CCDC57: variants seen among roughly 807,000 people sequenced by gnomAD.
The protein encoded by CCDC57 is coiled-coil domain-containing protein 57.
CCDC57 carries 118 observed loss-of-function variants against 118.9 expected under a neutral mutation model. The ratio of observed to expected loss-of-function variants is 0.99; its 90% confidence interval spans 0.86 to 1.16. CCDC57 has a LOEUF of 1.16. Ranked by LOEUF, CCDC57 falls within the 50% of genes most tolerant of loss-of-function variation. The pLI is 0.00. For synonymous variants in CCDC57, 527 were observed against 532.9 expected, an observed-to-expected ratio of 0.99 and a Z score of 0.15; for missense variants, 1,300 against 1,320.7, an observed-to-expected ratio of 0.98 and a Z score of 0.24.
intron 17 of CCDC57, among the ~76,000 whole-genome samples, chr17:82,133,585 G>A (rs932591699): frequency 1.3e-5 from 2 of 151,984 alleles, no homozygotes; most frequent in African/African-American, 2.4e-5. Context: ...TGGGGGCTGG[G>A]CGCGGTGGTT....
chr17:82,119,754 G>C (rs2036419326), intron 19 of CCDC57, among the ~76,000 whole-genome samples: 1 of 152,030 alleles, frequency 6.6e-6, no homozygotes. Context: ...GGGAAGAAGG[G>C]AGGGAGATGA....
At chr17:82,101,516 C>A, downstream of CCDC57, 1 of 605,310 alleles carries the variant, frequency 1.7e-6, no homozygotes, top group Non-Finnish European at 2.8e-6. Flanking sequence ...TCAGGGAGGC[C>A]TTCAGTCAGC....
rs375114586 is a variant in CCDC57 at position 82,188,232 on chromosome 17, C to T, written c.1039G>A (p.Ala347Thr). The T allele has an allele frequency of 2.1e-4, 323 of 1,552,474 alleles. 1 individual carries two copies. The East Asian group carries it at 4.2e-3, about 20-fold the overall frequency. The stretch of plus-strand genomic sequence containing the variant: ...GCACACGCTCACTGGTCAATGGCAG[C>T]GTCCTTCTCCTTGGCGGTGTCAGCC... The change falls in exon 8 of 20, where the codon GCT becomes ACT. Residue 347 changes from alanine to threonine, a missense_variant. By Grantham distance (58) the Ala-to-Thr change is moderately conservative. Transcript: ENST00000665763.
exon 4 of CCDC57, chr17:82,198,352 G>A (rs761077934): frequency 1.2e-6 from 2 of 1,613,606 alleles, no homozygotes; most frequent in Non-Finnish European, 1.7e-6. Flanking sequence ...AGCTCCTCAA[G>A]TTTTCTCTCC....
At chr17:82,116,102 C>CTTTT (rs34960755) in intron 19 of CCDC57, among the ~76,000 whole-genome samples, 4,680 of 127,678 alleles carry the variant, frequency 0.037, 113 homozygotes, top group South Asian at 0.069. Flanking sequence ...CGGCCACAAC[C>CTTTT]TTTTTTTTTT....
chr17:82,101,889 C>G, intron 19 of CCDC57, 23 bp from the exon 19 acceptor site: 1 of 1,540,740 alleles, frequency 6.5e-7, no homozygotes, highest in South Asian at 1.2e-5. Context: ...GAGGAAAAAA[C>G]AGCATGCATC....
chr17:82,179,649 C>T (rs2045957185), intron 9 of CCDC57, among the ~76,000 whole-genome samples: 1 of 152,020 alleles, frequency 6.6e-6, no homozygotes, highest in Non-Finnish European at 1.5e-5. Context: ...GGGAGAGCCC[C>T]CCGAGCGAGT....
At chr17:82,179,268 GGCAGGGCT>G in intron 9 of CCDC57, 79 bp from the exon 9 acceptor site, 1 of 1,499,290 alleles carries the variant, frequency 6.7e-7, no homozygotes, top group Non-Finnish European at 9.0e-7. Context: ...CGATGGGAAA[GGCAGGGCT>G]GCCGCTGTCC....
chr17:82,174,772 G>A (rs1007142942), intron 11 of CCDC57, among the ~76,000 whole-genome samples: 2 of 152,182 alleles, frequency 1.3e-5, no homozygotes, highest in African/African-American at 2.4e-5. Context: ...ATTGTTTATC[G>A]CTCTGTAACC....
chr17:82,104,453 C>T (rs1038340465), intron 19 of CCDC57, among the ~76,000 whole-genome samples: 1 of 152,238 alleles, frequency 6.6e-6, no homozygotes, highest in Non-Finnish European at 1.5e-5. Context: ...TAACCCCTCC[C>T]AGGTCCTGGT....
At position 82,120,652 on chromosome 17, in the gene CCDC57, C is replaced by T. The variant is rs989546293; in HGVS notation, c.2899+7040G>A. Among the ~76,000 whole-genome samples the T allele has an allele frequency of 2.6e-5, 4 of 152,242 alleles. No individual in the cohort carries two copies. In the East Asian group the frequency reaches 7.7e-4, roughly 29 times the overall value. ...ACAAGGAAAGCATCAAGATACTTCG[C>T]AGATCATTAAACAACTCAACTGCAT... On this transcript the variant is annotated intron_variant, in intron 19 of 19. Transcript: ENST00000665763.
intron 19 of CCDC57, among the ~76,000 whole-genome samples, chr17:82,109,916 CA>C (rs1294810659): frequency 6.7e-6 from 1 of 150,314 alleles, no homozygotes; most frequent in Admixed American, 6.6e-5. Context: ...GTTAAAAAGA[CA>C]GAAAAAGTAA....
At chr17:82,103,141 A>G (rs978237330) in intron 19 of CCDC57, among the ~76,000 whole-genome samples, 2 of 152,040 alleles carry the variant, frequency 1.3e-5, no homozygotes, top group South Asian at 2.1e-4. Context: ...GCAATGACGC[A>G]CTCTCAGCTG....
chr17:82,133,431 CAAAAAAAAAAAA>C (rs71166189), intron 17 of CCDC57, among the ~76,000 whole-genome samples: 423 of 38,398 alleles, frequency 0.011, 12 homozygotes, highest in Admixed American at 0.076. Context: ...GGCCCTGTCT[CAAAAAAAAAAAA>C]AAAAAAAAAA....
At chr17:82,144,798 T>C (rs1244454407) in intron 16 of CCDC57, among the ~76,000 whole-genome samples, 1 of 152,178 alleles carries the variant, frequency 6.6e-6, no homozygotes, top group African/African-American at 2.4e-5. Flanking sequence ...CTGCCAACTA[T>C]TGGGAAACAA....
chr17:82,141,116 T>C (rs2039945376), intron 16 of CCDC57, among the ~76,000 whole-genome samples: 1 of 151,878 alleles, frequency 6.6e-6, no homozygotes, highest in Non-Finnish European at 1.5e-5. Flanking sequence ...GTTCAAGCTA[T>C]TCTCCTGCCT....
chr17:82,171,397 G>A (rs2044709730), intron 13 of CCDC57, among the ~76,000 whole-genome samples: 1 of 146,718 alleles, frequency 6.8e-6, no homozygotes, highest in Non-Finnish European at 1.5e-5. Context: ...GGGCTCTGGA[G>A]GGAGCACAAG....
At chr17:82,101,893 A>G in intron 19 of CCDC57, 27 bp from the exon 19 acceptor site, 1 of 1,530,782 alleles carries the variant, frequency 6.5e-7, no homozygotes, top group Non-Finnish European at 8.8e-7. Flanking sequence ...AAAAAACAGC[A>G]TGCATCAGGA....
intron 16 of CCDC57, among the ~76,000 whole-genome samples, chr17:82,145,126 T>G (rs2040539607): frequency 6.6e-6 from 1 of 150,884 alleles, no homozygotes; most frequent in Non-Finnish European, 1.5e-5. Context: ...GGGTTCGAGA[T>G]TCTCCTGCCT....
Sources: allele counts gnomAD v4.1 joint callset (sites outside exome capture counted in the v4.1 genomes callset), GRCh38; gene constraint gnomAD v4.1.1; transcripts MANE v1.5; gene names NCBI Gene and HGNC (gene_info 2026-07-23, HGNC 2026-07-21).